TOPBP1: variants seen among roughly 807,000 people sequenced by gnomAD.
TOPBP1 encodes DNA topoisomerase II binding protein 1, also known as DNA topoisomerase 2-binding protein 1.
Under a neutral mutation model 167.7 loss-of-function variants are expected in TOPBP1, and 28 were observed. The observed-to-expected ratio is 0.17, with a 90% CI of 0.12 to 0.23. The LOEUF is 0.23. Among genes scored for constraint, TOPBP1 ranks in the 10% least tolerant of loss-of-function variants. TOPBP1 has a pLI of 1.00. For missense variants in TOPBP1, 1,554 were observed against 1,809.6 expected (o/e 0.86, Z 2.56); for synonymous variants, 598 against 611.4 (o/e 0.98, Z 0.32).
chr3:133,619,692 G>C (rs887464588), intron 20 of TOPBP1, among the ~76,000 whole-genome samples: 5 of 152,176 alleles, frequency 3.3e-5, no homozygotes, highest in African/African-American at 1.2e-4. Context: ...ATACTAAAGA[G>C]CAGAGAGAAC....
At chr3:133,616,184 A>G (rs965776999) in intron 23 of TOPBP1, among the ~76,000 whole-genome samples, 3 of 147,594 alleles carry the variant, frequency 2.0e-5, no homozygotes, top group Non-Finnish European at 4.5e-5. Context: ...CAGTGGCGCT[A>G]TCTTGGCTCA....
chr3:133,650,917 T>C (rs576788100), intron 8 of TOPBP1, among the ~76,000 whole-genome samples: 4 of 152,140 alleles, frequency 2.6e-5, no homozygotes, highest in African/African-American at 9.6e-5. Flanking sequence ...AAGACCAGCC[T>C]GGCCAATATG....
intron 20 of TOPBP1, 33 bp from the exon 21 acceptor site, chr3:133,618,466 G>T: frequency 6.3e-7 from 1 of 1,594,406 alleles, no homozygotes; most frequent in Non-Finnish European, 8.6e-7. Context: ...TAAATAAACA[G>T]CAATAACAAA....
At position 133,638,033 on chromosome 3, in the gene TOPBP1, C is replaced by A; in HGVS notation, c.2363G>T (p.Ser788Ile). The change falls in exon 14 of 28, where the codon AGT (serine) becomes ATT (isoleucine). Residue 788 changes from serine to isoleucine, a missense_variant. This residue lies in a region of TOPBP1 where 1,197 missense variants were observed against 1,351.5 expected (regional missense o/e 0.89). Coordinates refer to ENST00000260810, the MANE Select transcript of TOPBP1 (RefSeq NM_007027.4). Reference sequence around the variant, plus strand: ...TGAGACCACAGCACGGAAAGCTTTACTCTGAAAGCGGTTCATATCTAAAGG... The same window carrying A: ...TGAGACCACAGCACGGAAAGCTTTAATCTGAAAGCGGTTCATATCTAAAGG... Reference protein sequence around the residue: ...VTPLDMNRFQSKAFRAVVSQH... With the variant: ...VTPLDMNRFQIKAFRAVVSQH... 6.2e-7 allele frequency: 1 copy of A among 1,614,004 alleles called. No individual in the cohort carries two copies. Among genetic ancestry groups the A allele is most frequent in the Non-Finnish European group, 8.5e-7 (1 of 1,179,876 alleles).
At chr3:133,646,388 A>C (rs911753737) in intron 10 of TOPBP1, among the ~76,000 whole-genome samples, 9 of 151,878 alleles carry the variant, frequency 5.9e-5, no homozygotes, top group African/African-American at 1.9e-4. Flanking sequence ...CAGTGGCTCA[A>C]GCCTGTAATC....
chr3:133,617,490 A>G, intron 21 of TOPBP1, 164 bp from the exon 22 acceptor site: 1 of 606,460 alleles, frequency 1.6e-6, no homozygotes, highest in Non-Finnish European at 2.5e-6. Context: ...TTATAAATAA[A>G]TGCATCCCAT....
chr3:133,605,765 C>T (rs1934470446), intron 27 of TOPBP1, among the ~76,000 whole-genome samples: 1 of 152,118 alleles, frequency 6.6e-6, no homozygotes, highest in Admixed American at 6.6e-5. Context: ...GAGGTCCTAG[C>T]CACATAAGAC....
intron 14 of TOPBP1, among the ~76,000 whole-genome samples, chr3:133,631,925 AC>A (rs1477260145): frequency 6.6e-6 from 1 of 151,888 alleles, no homozygotes; most frequent in Non-Finnish European, 1.5e-5. Context: ...GGCGTGAGCC[AC>A]TGCGCCTGGC....
chr3:133,647,394 C>T (rs1936113547), intron 10 of TOPBP1, among the ~76,000 whole-genome samples: 2 of 152,176 alleles, frequency 1.3e-5, no homozygotes, highest in South Asian at 4.1e-4. Context: ...CAAACCCCTA[C>T]CCCAAGTTTC....
In TOPBP1 at chr3:133,612,395, G is replaced by T. The variant is rs370706726; in HGVS notation, c.4029C>A (p.Phe1343Leu). Reference sequence around the variant, plus strand: ...CACAAATCTGAATACACACCTGCACGAAGTGTCCAGCAGTCCTGCAGGCTT... The same window carrying T: ...CACAAATCTGAATACACACCTGCACTAAGTGTCCAGCAGTCCTGCAGGCTT... ...YLEACRTAGH[F>L]VQEEDYEWGS... The change falls in exon 24 of 28, where the codon TTC (phenylalanine) becomes TTA (leucine). Residue 1343 changes from phenylalanine (F) to leucine (L), a missense_variant. Physicochemically the swap from Phe to Leu is conservative, Grantham distance 22. This residue lies in a region of TOPBP1 where 351 missense variants were observed against 432.9 expected (regional missense o/e 0.81). Transcript: ENST00000260810. The T allele has an allele frequency of 6.2e-7, 1 of 1,613,720 alleles. No homozygotes were observed. The highest frequency in any genetic ancestry group is 1.3e-5 in the African/African-American group (1 of 75,026).
Position 133,628,439 on chromosome 3 carries a change from CACT to C in TOPBP1, c.2724_2726del (p.Val910del), listed in dbSNP as rs1167258285. The C allele has an allele frequency of 1.9e-6, 3 of 1,611,282 alleles. No homozygotes were observed. The East Asian group carries it at 6.7e-5, about 36-fold the overall frequency. On this transcript the variant is annotated inframe_deletion, in exon 16 of 28. Transcript: ENST00000260810. ...TACTGAGTTTTTTACTAACACATAC[CACT>C]ACTTTGTGAAGTGGCTTTGGGGCTT...
At chr3:133,632,537 C>A (rs1052116748) in intron 14 of TOPBP1, among the ~76,000 whole-genome samples, 2 of 152,118 alleles carry the variant, frequency 1.3e-5, no homozygotes, top group African/African-American at 4.8e-5. Flanking sequence ...CATGGTAAGT[C>A]TTTCTATATG....
intron 16 of TOPBP1, among the ~76,000 whole-genome samples, chr3:133,626,297 T>A (rs1935264913): frequency 6.6e-6 from 1 of 152,114 alleles, no homozygotes; most frequent in Non-Finnish European, 1.5e-5. Flanking sequence ...ACTTCAGGGG[T>A]TATTTTGGAC....
Position 133,628,730 on chromosome 3 carries a change from C to T in TOPBP1, c.2524G>A (p.Ala842Thr). The T allele has an allele frequency of 6.4e-7, 1 of 1,551,460 alleles. No individual in the cohort carries two copies. Among genetic ancestry groups the T allele is most frequent in the Non-Finnish European group, 8.7e-7 (1 of 1,146,944 alleles). Residue 842 changes from alanine to threonine, a missense_variant, in exon 15 of 28, where the codon GCA becomes ACA. Transcript: ENST00000260810. ...LFKPSFDVKD[A>T]LAALETPGRP... ...CCTGGAGTTTCCAAGGCTGCAAGTG[C>T]ATCCTATACATATGAAGGAGAGAGA...
Position 133,649,544 on chromosome 3 carries a change from T to A in TOPBP1, c.1343A>T (p.Gln448Leu). Residue 448 changes from glutamine to leucine, a missense_variant, in exon 10 of 28, where the codon CAG (glutamine) becomes CTG (leucine). Gln to Leu is a moderately radical substitution (Grantham distance 113). Around this residue, in one of 3 missense-constraint regions of TOPBP1, gnomAD observed 1,197 missense variants for 1,351.5 expected, o/e 0.89. Transcript: ENST00000260810. ...SEEPYIHANY[Q>L]PVEIPVSHKP... ...ATGTGAAACTGGAATTTCCACTGGC[T>A]GGTAATTAGCATGGATATATGGTTC... The A allele has an allele frequency of 6.2e-7, 1 of 1,613,948 alleles. No homozygotes were observed. The highest frequency in any genetic ancestry group is 8.5e-7 in the Non-Finnish European group (1 of 1,179,860).
At chr3:133,640,330 CT>C (rs1162668721) in intron 12 of TOPBP1, among the ~76,000 whole-genome samples, 160 bp from the exon 13 acceptor site, 3 of 152,132 alleles carry the variant, frequency 2.0e-5, no homozygotes, top group African/African-American at 7.2e-5. Flanking sequence ...AGCTAATCCC[CT>C]TACAAATGCT....
chr3:133,659,949 C>T (rs1399831721), intron 2 of TOPBP1, among the ~76,000 whole-genome samples: 1 of 152,106 alleles, frequency 6.6e-6, no homozygotes, highest in African/African-American at 2.4e-5. Context: ...ATTATCAACC[C>T]TCCAATGGCT....
At chr3:133,630,090 G>A (rs11716197) in intron 14 of TOPBP1, among the ~76,000 whole-genome samples, 21,829 of 151,744 alleles carry the variant, frequency 0.14, 1,883 homozygotes, top group Non-Finnish European at 0.2. Flanking sequence ...CTGGCTATAT[G>A]TATATTTATA....
At chr3:133,649,140 G>A (rs1048677540) in intron 10 of TOPBP1, among the ~76,000 whole-genome samples, 1 of 152,054 alleles carries the variant, frequency 6.6e-6, no homozygotes, top group Non-Finnish European at 1.5e-5. Context: ...CACAAACCAA[G>A]CAATGCCTGT....
Sources: allele counts gnomAD v4.1 joint callset (sites outside exome capture counted in the v4.1 genomes callset), GRCh38; gene constraint gnomAD v4.1.1; regional missense constraint gnomAD v4.1.1; transcripts MANE v1.5; gene names NCBI Gene and HGNC (gene_info 2026-07-23, HGNC 2026-07-21).